Variants in IMMT observed in about 807,000 individuals in gnomAD.
IMMT encodes the protein inner membrane mitochondrial protein.
A neutral mutation model predicts 92.7 loss-of-function variants in IMMT; 40 were observed. The ratio of observed to expected loss-of-function variants is 0.43; its 90% CI spans 0.34 to 0.56. IMMT has a LOEUF of 0.56. Ranked by LOEUF, IMMT falls within the 20% of genes least tolerant of loss-of-function variation. IMMT has a pLI of 0.03. For synonymous variants in IMMT, 322 were observed against 336.1 expected (o/e 0.96, Z 0.46); for missense variants, 831 against 912.1 (o/e 0.91, Z 1.14).
At chr2:86,164,689 C>CAAAAAAAAAAAAAAAAAAAA (rs56964046) in intron 7 of IMMT, among the ~76,000 whole-genome samples, 2 of 111,420 alleles carry the variant, frequency 1.8e-5, no homozygotes, top group African/African-American at 7.3e-5. Context: ...GACTCTGTCT[C>CAAAAAAAAAAAAAAAAAAAA]AAAAAAAAAA....
At chr2:86,156,620 G>C (rs1440800761) in intron 10 of IMMT, among the ~76,000 whole-genome samples, 1 of 143,318 alleles carries the variant, frequency 7.0e-6, no homozygotes, top group Non-Finnish European at 1.5e-5. Context: ...AAAAAGTTTT[G>C]CGATAGGCAC....
At chr2:86,155,834 T>C (rs935175673) in intron 10 of IMMT, among the ~76,000 whole-genome samples, 3 of 152,348 alleles carry the variant, frequency 2.0e-5, no homozygotes, top group African/African-American at 4.8e-5. Flanking sequence ...AGGGTAATCA[T>C]GGAATAATTA....
rs766689405 is a variant in IMMT at position 86,171,312 on chromosome 2, G to A, written c.455C>T (p.Ala152Val). 5.6e-6 allele frequency: 9 copies of A among 1,611,324 alleles called. No homozygotes were observed. The highest frequency in any genetic ancestry group is 5.0e-5 in the Admixed American group (3 of 59,708). The stretch of plus-strand genomic sequence containing the variant: ...GGCTGGGACCGACAGGGTATCACCT[G>A]CTGCAGAAATAATTTGAGCCGCTTC... Reference protein sequence around the residue: ...PTEAAQIISAAGDTLSVPAPA... With the variant: ...PTEAAQIISAVGDTLSVPAPA... Residue 152 changes from alanine (A) to valine (V), a missense_variant, in exon 5 of 15, where the codon GCA (alanine) becomes GTA (valine). By Grantham distance (64) the Ala-to-Val change is moderately conservative. Coordinates refer to ENST00000410111, the MANE Select transcript of IMMT (RefSeq NM_006839.3).
chr2:86,187,335 TTAGTG>T (rs757734360), intron 1 of IMMT, among the ~76,000 whole-genome samples: 5 of 152,198 alleles, frequency 3.3e-5, no homozygotes, highest in South Asian at 2.1e-4. Flanking sequence ...CTTCTTTCAC[TTAGTG>T]TAATGTTTTC....
In IMMT at chr2:86,147,939, G is replaced by C. The variant is rs1675150948; in HGVS notation, c.1402-106C>G. ...ATGACAACAGCAGCTTCCATATCCT[G>C]AACGCCTCTAATGTGCCAGGCATGT... On this transcript the variant is annotated intron_variant, in intron 12 of 14. Coordinates refer to ENST00000410111, the MANE Select transcript of IMMT (RefSeq NM_006839.3). 4 of 1,075,898 alleles carry C rather than the reference G, an allele frequency of 3.7e-6. No homozygotes were observed. The Admixed American group carries it at 6.3e-5, about 17-fold the overall frequency. 66.6% of individuals were successfully genotyped at this position (1,075,898 alleles called of 1,614,324 possible). A position where few individuals can be genotyped will look rare whatever the true frequency, so the allele number is the denominator to read the frequency against.
At chr2:86,170,711 T>C (rs1677024789) in intron 6 of IMMT, 38 bp downstream of exon 6, 1 of 1,368,858 alleles carries the variant, frequency 7.3e-7, no homozygotes, top group African/African-American at 1.4e-5. Flanking sequence ...AACTGGGAGA[T>C]GACCCAAAAT....
chr2:86,157,742 C>A (rs922261226), intron 10 of IMMT, among the ~76,000 whole-genome samples: 1 of 145,422 alleles, frequency 6.9e-6, no homozygotes, highest in African/African-American at 2.5e-5. Context: ...GAGCCAAGAT[C>A]GCGCCATTGC....
At chr2:86,193,578 AG>A (rs1278611606) in intron 1 of IMMT, among the ~76,000 whole-genome samples, 6 of 152,156 alleles carry the variant, frequency 3.9e-5, no homozygotes, top group African/African-American at 1.4e-4. Flanking sequence ...ATAAAGAGAC[AG>A]GAAGAGATGA....
chr2:86,164,433 T>C (rs1676520655), intron 7 of IMMT, among the ~76,000 whole-genome samples: 2 of 151,716 alleles, frequency 1.3e-5, no homozygotes, highest in South Asian at 4.2e-4. Context: ...CTTACGCCTA[T>C]AATCCCAGCA....
At chr2:86,162,737 G>A (rs1177250379) in intron 7 of IMMT, among the ~76,000 whole-genome samples, 7 of 152,016 alleles carry the variant, frequency 4.6e-5, no homozygotes, top group Admixed American at 3.3e-4. Context: ...CCAGCTACTC[G>A]GGAGGCTGAA....
At chr2:86,178,317 C>CAAAAAAAA (rs58264892) in intron 3 of IMMT, among the ~76,000 whole-genome samples, 1 of 89,740 alleles carries the variant, frequency 1.1e-5, no homozygotes, top group Non-Finnish European at 2.0e-5. Context: ...GACTCCATCT[C>CAAAAAAAA]AAAAAAAAAA....
At position 86,144,605 on chromosome 2, in the gene IMMT, A is replaced by T; in HGVS notation, c.1940T>A (p.Met647Lys). The T allele has an allele frequency of 6.2e-7, 1 of 1,614,004 alleles. No individual in the cohort carries two copies. The highest frequency in any genetic ancestry group is 8.5e-7 in the Non-Finnish European group (1 of 1,179,892). ...CAAGCTATTTCTGGTTTCATCAATC[A>T]TTGCTACCCTTCGGGCCAGTTTTTG... ...AVQKLARRVAMIDETRNSLYQ... is the reference protein window; with the variant it reads ...AVQKLARRVAKIDETRNSLYQ... The change falls in exon 15 of 15, where the codon ATG (methionine) becomes AAG (lysine). Residue 647 changes from methionine (M) to lysine (K), a missense_variant. Coordinates refer to ENST00000410111, the MANE Select transcript of IMMT (RefSeq NM_006839.3).
At chr2:86,168,407 G>T (rs1676866418) in intron 6 of IMMT, among the ~76,000 whole-genome samples, 1 of 152,174 alleles carries the variant, frequency 6.6e-6, no homozygotes, top group Admixed American at 6.5e-5. Flanking sequence ...TGTATCACCT[G>T]AGGTCAGGAG....
At chr2:86,162,833 A>T (rs1040658150) in intron 7 of IMMT, among the ~76,000 whole-genome samples, 2 of 152,170 alleles carry the variant, frequency 1.3e-5, no homozygotes, top group African/African-American at 4.8e-5. Context: ...ACAGAGAAAG[A>T]CTACTTCTCA....
intron 3 of IMMT, among the ~76,000 whole-genome samples, chr2:86,174,567 C>T (rs1229693378): frequency 6.6e-6 from 1 of 152,166 alleles, no homozygotes; most frequent in Non-Finnish European, 1.5e-5. Context: ...TTTAACTTGC[C>T]TCTTCACTGC....
intron 10 of IMMT, among the ~76,000 whole-genome samples, chr2:86,157,788 CAAAAAAAA>C (rs74548175): frequency 1.2e-5 from 1 of 84,216 alleles, no homozygotes; most frequent in East Asian, 4.6e-4. Context: ...AACTTTGTCT[CAAAAAAAA>C]AAAAAAAGAA....
At chr2:86,171,411 T>C in intron 4 of IMMT, 66 bp from the exon 5 acceptor site, 1 of 1,459,620 alleles carries the variant, frequency 6.9e-7, no homozygotes, top group Non-Finnish European at 9.5e-7. Context: ...CACAGAAATT[T>C]ACTACCACCA....
Position 86,179,469 on chromosome 2 carries a change from A to G in IMMT, c.273T>C (p.Gly91=). 6.2e-7 allele frequency: 1 copy of G among 1,611,408 alleles called. No homozygotes were observed. The highest frequency in any genetic ancestry group is 1.7e-5 in the Admixed American group (1 of 59,404). Residue 91 remains glycine (G), a synonymous_variant, in exon 3 of 15, where the codon GGT becomes GGC. Transcript: ENST00000410111. The part of the protein sequence containing the change: ...YSDKLFEMVL[G]PAAYNVPLPK... ...GCAATGGAACATTATAAGCTGCAGG[A>G]CCAAGAACCATCTCGAAGAGTTTGT...
At chr2:86,170,951 A>G (rs2288115) in intron 5 of IMMT, 107 bp from the exon 6 acceptor site, 356,055 of 813,140 alleles carry the variant, frequency 0.44, 84,995 homozygotes, top group Non-Finnish European at 0.5. Flanking sequence ...ATATCAATGC[A>G]GGGCATTTTT....
Sources: gnomAD v4.1 joint callset for allele counts (sites outside exome capture counted in the v4.1 genomes callset) on GRCh38, gnomAD v4.1.1 for gene constraint, MANE v1.5 for transcripts, NCBI Gene and HGNC (gene_info 2026-07-23, HGNC 2026-07-21) for gene names.